Variants in GXYLT1 observed in about 807,000 individuals in gnomAD.
GXYLT1 encodes glycosyltransferase 8 domain containing 3.
GXYLT1 carries 29 observed loss-of-function variants against 54.0 expected under a neutral mutation model. The ratio of observed to expected loss-of-function variants is 0.54; its 90% CI spans 0.40 to 0.73. The LOEUF (loss-of-function observed/expected upper bound fraction) is 0.73. Ranked by LOEUF, GXYLT1 falls within the 30% of genes least tolerant of loss-of-function variation. The probability of loss-of-function intolerance (pLI) is 0.00; values close to 1 mark genes in which losing one functional copy is unlikely to be tolerated. For missense variants in GXYLT1, 490 were observed against 553.4 expected, an observed-to-expected ratio of 0.89 and a Z score of 1.15; for synonymous variants, 176 against 204.1, an observed-to-expected ratio of 0.86 and a Z score of 1.17.
chr12:42,121,412 G>A (rs1479383415), intron 2 of GXYLT1, among the ~76,000 whole-genome samples: 5 of 152,184 alleles, frequency 3.3e-5, no homozygotes, highest in East Asian at 3.9e-4. Context: ...TGAGAGGACC[G>A]CTTGAGGCCC....
Position 42,102,840 on chromosome 12 carries a change from A to G in GXYLT1, c.864+2978T>C, listed in dbSNP as rs187300366. Among the ~76,000 whole-genome samples the G allele has an allele frequency of 5.1e-4, 77 of 152,216 alleles. No homozygotes were observed. In the East Asian group the frequency reaches 0.014, roughly 27 times the overall value. On this transcript the variant is annotated intron_variant, in intron 5 of 7. Coordinates refer to ENST00000398675, the MANE Select transcript of GXYLT1 (RefSeq NM_173601.2). Reference sequence around the variant, plus strand: ...AACCAATGTTATTCATTATCTAGCAAATATACAATTATGAGATTAAAAATT... The same window carrying G: ...AACCAATGTTATTCATTATCTAGCAGATATACAATTATGAGATTAAAAATT...
chr12:42,143,738 T>C (rs2065664154), intron 1 of GXYLT1, among the ~76,000 whole-genome samples: 1 of 152,230 alleles, frequency 6.6e-6, no homozygotes, highest in Admixed American at 6.5e-5. Context: ...GATTACGTCC[T>C]AAGTCATTAC....
At chr12:42,105,213 G>A (rs2065412304) in intron 5 of GXYLT1, among the ~76,000 whole-genome samples, 1 of 152,132 alleles carries the variant, frequency 6.6e-6, no homozygotes, top group South Asian at 2.1e-4. Context: ...AAGTCTAAAT[G>A]CACATTCAGA....
At chr12:42,101,027 T>C (rs565993158) in intron 5 of GXYLT1, among the ~76,000 whole-genome samples, 2 of 151,690 alleles carry the variant, frequency 1.3e-5, no homozygotes, top group Admixed American at 6.6e-5. Context: ...ACTGCAGTCT[T>C]AGGAAAAAAA....
chr12:42,093,778 C>T (rs1232401045), intron 7 of GXYLT1, among the ~76,000 whole-genome samples: 1 of 151,848 alleles, frequency 6.6e-6, no homozygotes, highest in Non-Finnish European at 1.5e-5. Context: ...AATTCCTGAG[C>T]TTGCCCACCT....
At chr12:42,130,861 G>A (rs912609973) in intron 1 of GXYLT1, among the ~76,000 whole-genome samples, 2 of 152,104 alleles carry the variant, frequency 1.3e-5, no homozygotes, top group African/African-American at 4.8e-5. Flanking sequence ...GTGGGAGGAT[G>A]GCATGAGCCC....
intron 3 of GXYLT1, among the ~76,000 whole-genome samples, chr12:42,116,111 C>A (rs2065492999): frequency 6.6e-6 from 1 of 152,010 alleles, no homozygotes; most frequent in Admixed American, 6.6e-5. Flanking sequence ...CTTCCTTACA[C>A]CTTACACAAA....
chr12:42,119,786 C>A (rs1284458648), intron 2 of GXYLT1, among the ~76,000 whole-genome samples: 3 of 152,060 alleles, frequency 2.0e-5, no homozygotes, highest in South Asian at 2.1e-4. Context: ...CCAGACAGAG[C>A]AAGATCCTGT....
intron 1 of GXYLT1, among the ~76,000 whole-genome samples, chr12:42,136,946 TG>T (rs1221644869): frequency 6.6e-6 from 1 of 152,082 alleles, no homozygotes; most frequent in East Asian, 1.9e-4. Context: ...GGTAATTTTT[TG>T]TATTTTTGTT....
intron 5 of GXYLT1, among the ~76,000 whole-genome samples, chr12:42,105,536 C>T (rs1400093721): frequency 6.6e-6 from 1 of 152,100 alleles, no homozygotes; most frequent in Admixed American, 6.5e-5. Context: ...ACATCTGCTT[C>T]CTGGAATGGC....
chr12:42,100,460 G>C (rs958867009), intron 5 of GXYLT1, among the ~76,000 whole-genome samples: 8 of 151,594 alleles, frequency 5.3e-5, no homozygotes, highest in African/African-American at 1.9e-4. Flanking sequence ...GCCATAGTTT[G>C]AGAAACATTG....
Position 42,141,047 on chromosome 12 carries a change from C to A in GXYLT1, c.221+3379G>T, listed in dbSNP as rs114064438. Among the ~76,000 whole-genome samples the A allele has an allele frequency of 1.7e-3, 266 of 152,260 alleles. 1 individual carries two copies. The highest frequency in any genetic ancestry group is 5.6e-3 in the African/African-American group (233 of 41,542). ...AACAGCCACTGCCTATCCAGCATTC[C>A]TTCTCCTTTGAGGCACCGCTCCTCT... On this transcript the variant is annotated intron_variant, in intron 1 of 7. Coordinates refer to ENST00000398675, the MANE Select transcript of GXYLT1 (RefSeq NM_173601.2).
At chr12:42,111,709 G>A (rs2065457471) in intron 3 of GXYLT1, among the ~76,000 whole-genome samples, 1 of 152,208 alleles carries the variant, frequency 6.6e-6, no homozygotes, top group Admixed American at 6.5e-5. Context: ...ACCTCTGGGG[G>A]CAGGGCACGG....
intron 3 of GXYLT1, among the ~76,000 whole-genome samples, chr12:42,110,753 C>T (rs1359030316): frequency 6.6e-6 from 1 of 152,158 alleles, no homozygotes; most frequent in Non-Finnish European, 1.5e-5. Flanking sequence ...ACTGTCATTT[C>T]CCTGCTCCAC....
rs772909761 is a variant in GXYLT1, at chr12:42,097,578, C to T, written c.1025G>A (p.Arg342Gln). Residue 342 changes from arginine (R) to glutamine (Q), a missense_variant, in exon 7 of 8, where the codon CGA (arginine) becomes CAA (glutamine). By Grantham distance (43) the Arg-to-Gln change is conservative. This residue lies in a region of GXYLT1 where 342 missense variants were observed against 342.6 expected (regional missense o/e 1.00). Transcript: ENST00000398675. ...GCTTCCATATATACAATGATCTGGT[C>T]GATAATTCCATTGACACGGAAAAAC... ...LFVFPCQWNY[R>Q]PDHCIYGSNC... 5.6e-6 allele frequency: 9 copies of T among 1,606,692 alleles called. No homozygotes were observed. The African/African-American group carries it at 6.7e-5, about 12-fold the overall frequency.
intron 1 of GXYLT1, among the ~76,000 whole-genome samples, chr12:42,140,331 T>C (rs566846337): frequency 2.2e-4 from 34 of 152,152 alleles, no homozygotes; most frequent in African/African-American, 7.5e-4. Flanking sequence ...CCAGGGCATT[T>C]TGATTTAACA....
At chr12:42,111,350 A>G (rs1005518392) in intron 3 of GXYLT1, among the ~76,000 whole-genome samples, 1 of 152,244 alleles carries the variant, frequency 6.6e-6, no homozygotes, top group South Asian at 2.1e-4. Context: ...ACCCGGGAAG[A>G]GCAAGGGGTC....
At position 42,109,676 on chromosome 12, in the gene GXYLT1, A is replaced by G; in HGVS notation, c.502T>C (p.Phe168Leu). The G allele has an allele frequency of 2.6e-6, 4 of 1,528,512 alleles. No homozygotes were observed. Among genetic ancestry groups the G allele is most frequent in the Non-Finnish European group, 3.6e-6 (4 of 1,123,434 alleles). 94.7% of individuals were successfully genotyped at this position (1,528,512 alleles called of 1,614,324 possible). Residue 168 changes from phenylalanine to leucine, a missense_variant, in exon 4 of 8, where the codon TTT (phenylalanine) becomes CTT (leucine). Phe to Leu is a conservative substitution (Grantham distance 22). This residue lies in a region of GXYLT1 where 342 missense variants were observed against 342.6 expected (regional missense o/e 1.00). Transcript: ENST00000398675. ...AACGTATAATTAAATGTTTGTAGAA[A>G]TGACCAGTTGTCAAGCTAAAACAAT... ...SFKGRLDNWS[F>L]LQTFNYTLYP...
At chr12:42,139,322 G>A (rs1408576730) in intron 1 of GXYLT1, among the ~76,000 whole-genome samples, 4 of 152,094 alleles carry the variant, frequency 2.6e-5, no homozygotes, top group African/African-American at 9.7e-5. Flanking sequence ...ATTAATATGT[G>A]TCAGGTTTGG....
Sources: gnomAD v4.1 joint callset for allele counts (sites outside exome capture counted in the v4.1 genomes callset) on GRCh38, gnomAD v4.1.1 for gene constraint, gnomAD v4.1.1 regional missense constraint, MANE v1.5 for transcripts, NCBI Gene and HGNC (gene_info 2026-07-23, HGNC 2026-07-21) for gene names.